DHX34: variants seen among roughly 807,000 people sequenced by gnomAD.
DHX34 encodes the protein DExH-box helicase 34.
A neutral mutation model predicts 111.1 loss-of-function variants in DHX34; 96 were observed. The ratio of observed to expected loss-of-function variants is 0.86; its 90% CI spans 0.73 to 1.02. The LOEUF (loss-of-function observed/expected upper bound fraction) is 1.02. Among genes scored for constraint, DHX34 ranks in the 50% least tolerant of loss-of-function variants. The pLI, the probability that DHX34 is intolerant of heterozygous loss-of-function variation, is 0.00. For synonymous variants in DHX34, 688 were observed against 670.4 expected (o/e 1.03, Z -0.41); for missense variants, 1,560 against 1,579.9 (o/e 0.99, Z 0.21).
chr19:47,381,386 G>T, intron 16 of DHX34, 62 bp downstream of exon 16: 2 of 1,571,816 alleles, frequency 1.3e-6, no homozygotes, highest in Non-Finnish European at 1.7e-6. Flanking sequence ...TCCCATGATG[G>T]TCTCCTGTGC....
In DHX34 at chr19:47,355,553, G is replaced by C. The variant is rs1001217429; in HGVS notation, c.1017+203G>C. Among the ~76,000 whole-genome samples, 10 of 152,244 alleles carry C rather than the reference G, an allele frequency of 6.6e-5. 1 individual carries two copies. The South Asian group carries it at 1.0e-3, about 16-fold the overall frequency. On this transcript the variant is annotated intron_variant, in intron 3 of 16. Coordinates refer to ENST00000328771, the MANE Select transcript of DHX34 (RefSeq NM_014681.6). The stretch of plus-strand genomic sequence containing the variant: ...CTTGTTAGAGTAAAAGCTGTTACAA[G>C]AAGACCCAAAAATGGCTGGGCGCCG...
chr19:47,363,279 T>C (rs910383055), intron 6 of DHX34, among the ~76,000 whole-genome samples: 1 of 151,684 alleles, frequency 6.6e-6, no homozygotes, highest in Non-Finnish European at 1.5e-5. Flanking sequence ...TTAGTAGAGA[T>C]CAGGTCTTGC....
chr19:47,375,273 G>A (rs568845609), intron 9 of DHX34, 193 bp from the exon 10 acceptor site: 2 of 985,340 alleles, frequency 2.0e-6, no homozygotes, highest in Non-Finnish European at 2.4e-6. Context: ...CCCTGGCCCC[G>A]GTGTTCCCTC....
At chr19:47,369,459 T>C (rs1007352804) in intron 7 of DHX34, among the ~76,000 whole-genome samples, 1 of 152,206 alleles carries the variant, frequency 6.6e-6, no homozygotes, top group African/African-American at 2.4e-5. Context: ...TAAATAATTT[T>C]TGAGCACCTG....
Position 47,353,485 on chromosome 19 carries a change from T to C in DHX34, c.455T>C (p.Leu152Pro). The stretch of plus-strand genomic sequence containing the variant: ...GGCCAGAAGCAGGCATTTGGGCGTC[T>C]GGCCAAGCTGCAGCGTGAGCGGGCA... ...DFGQKQAFGR[L>P]AKLQRERAAL... is the part of the protein sequence containing the mutation. The change falls in exon 2 of 17, where the codon CTG becomes CCG. Residue 152 changes from leucine to proline, a missense_variant. By Grantham distance (98) the Leu-to-Pro change is moderately conservative. Transcript: ENST00000328771. This position sits in a 1 kb window ranked among gnomAD's most constrained non-coding sequence, Gnocchi z 4.6. 1 of 1,614,090 alleles carries C rather than the reference T, an allele frequency of 6.2e-7. No individual in the cohort carries two copies. The highest frequency in any genetic ancestry group is 8.5e-7 in the Non-Finnish European group (1 of 1,180,020).
At chr19:47,362,408 G>C in intron 5 of DHX34, 68 bp from the exon 6 acceptor site, 2 of 1,431,262 alleles carry the variant, frequency 1.4e-6, no homozygotes, top group Non-Finnish European at 1.8e-6. Context: ...AGTGACAAGA[G>C]CCAGGCGCGT....
At chr19:47,377,438 C>T (rs976707963) in intron 13 of DHX34, among the ~76,000 whole-genome samples, 2 of 152,184 alleles carry the variant, frequency 1.3e-5, no homozygotes, top group Non-Finnish European at 2.9e-5. Flanking sequence ...GTGCCAAGGG[C>T]GCAGCAGGGA....
In DHX34 at chr19:47,358,111, C is replaced by G. The variant is rs1296776363; in HGVS notation, c.1263C>G (p.Asp421Glu). 1 of 1,607,252 alleles carries G rather than the reference C, an allele frequency of 6.2e-7. No homozygotes were observed. The highest frequency in any genetic ancestry group is 1.3e-5 in the African/African-American group (1 of 74,816). The change falls in exon 4 of 17, where the codon GAC becomes GAG. Residue 421 changes from aspartate to glutamate, a missense_variant. Transcript: ENST00000328771. ...LPLHSALSVADQDKVFDVAPP... is the reference protein window; with the variant it reads ...LPLHSALSVAEQDKVFDVAPP... Reference sequence around the variant, plus strand: ...TGCACAGCGCCCTGTCTGTGGCCGACCAGGACAAGGTATCACAGGAAGCCC... The same window carrying G: ...TGCACAGCGCCCTGTCTGTGGCCGAGCAGGACAAGGTATCACAGGAAGCCC...
intron 7 of DHX34, among the ~76,000 whole-genome samples, chr19:47,368,263 TGTAAC>T (rs1197192874): frequency 5.6e-5 from 5 of 89,908 alleles, no homozygotes; most frequent in African/African-American, 2.0e-4. Context: ...AGGTGGGAGA[TGTAAC>T]CAACAGTCTC....
intron 1 of DHX34, among the ~76,000 whole-genome samples, chr19:47,352,292 G>A (rs1391278221): frequency 6.6e-6 from 1 of 152,226 alleles, no homozygotes; most frequent in Non-Finnish European, 1.5e-5. Flanking sequence ...GAGAGATCAT[G>A]TGATCATGGC....
intron 5 of DHX34, 28 bp downstream of exon 5, chr19:47,360,098 C>T (rs1384336621): frequency 6.2e-7 from 1 of 1,609,128 alleles, no homozygotes; most frequent in Admixed American, 1.7e-5. Context: ...CCCCTACCCA[C>T]CACCCCCAAG....
rs559412806 is a variant in DHX34, at chr19:47,382,266, C to T, written c.*153C>T. The stretch of plus-strand genomic sequence containing the variant: ...CTGGAGCACGGATTGTGAATAAAGC[C>T]TCACATGCTGATACACACTGTTAGG... On this transcript the variant is annotated 3_prime_UTR_variant, in exon 17 of 17. Transcript: ENST00000328771. The T allele has an allele frequency of 2.2e-4, 303 of 1,354,332 alleles. No homozygotes were observed. Among genetic ancestry groups the T allele is most frequent in the Middle Eastern group, 1.9e-3 (7 of 3,752 alleles). 83.9% of individuals were successfully genotyped at this position (1,354,332 alleles called of 1,614,324 possible). A position where few individuals can be genotyped will look rare whatever the true frequency, so the allele number is the denominator to read the frequency against.
At chr19:47,357,537 C>G (rs1969491778) in intron 3 of DHX34, among the ~76,000 whole-genome samples, 1 of 152,182 alleles carries the variant, frequency 6.6e-6, no homozygotes, top group African/African-American at 2.4e-5. Context: ...GTGGAGAAGA[C>G]TACTAGCATC....
Position 47,380,977 on chromosome 19 carries a change from C to A in DHX34, c.3144C>A (p.Thr1048=). The change falls in exon 15 of 17, where the codon ACC becomes ACA. Residue 1048 remains threonine, a synonymous_variant. Transcript: ENST00000328771. ...KGGYAVTDFL[T]YNCLTNDTDL... is the part of the protein sequence containing the mutation. ...GCTACGCAGTCACTGACTTCCTCAC[C>A]TACAACTGCCTCACGGTAAGCATGA... 1.3e-6 allele frequency: 2 copies of A among 1,582,246 alleles called. No homozygotes were observed. Among genetic ancestry groups the A allele is most frequent in the Non-Finnish European group, 8.6e-7 (1 of 1,165,886 alleles).
At chr19:47,381,064 A>G (rs1970340222) in intron 15 of DHX34, 72 bp downstream of exon 15, 1 of 1,548,640 alleles carries the variant, frequency 6.5e-7, no homozygotes, top group Non-Finnish European at 8.7e-7. Context: ...ACCTTAGTCC[A>G]GGGACATAGT....
chr19:47,375,885 C>T (rs757740499), intron 10 of DHX34, 39 bp from the exon 11 acceptor site: 1 of 1,556,300 alleles, frequency 6.4e-7, no homozygotes, highest in Admixed American at 2.2e-5. Context: ...AGGAGCCCCT[C>T]AGGTCCCCTA....
At chr19:47,371,685 C>T (rs774903273) in intron 7 of DHX34, among the ~76,000 whole-genome samples, 53 of 152,272 alleles carry the variant, frequency 3.5e-4, no homozygotes, top group African/African-American at 6.3e-4. Context: ...CTGCAGCCTC[C>T]GCCTCCAGGG....
intron 5 of DHX34, 187 bp from the exon 6 acceptor site, chr19:47,362,289 A>G: frequency 1.2e-6 from 1 of 809,424 alleles, no homozygotes; most frequent in Non-Finnish European, 1.5e-6. Context: ...AAAAAAAAAA[A>G]AGATGTGTGA....
In DHX34 at chr19:47,373,771, G is replaced by A. The variant is rs973935315; in HGVS notation, c.2064+71G>A. ...GTGTGTAAGCACACTCCAGAACACT[G>A]CTTCCCCTTCCCAGACAGTGGTCAG... On this transcript the variant is annotated intron_variant, in intron 9 of 16. Coordinates refer to ENST00000328771, the MANE Select transcript of DHX34 (RefSeq NM_014681.6). The A allele has an allele frequency of 5.8e-6, 9 of 1,540,640 alleles. No homozygotes were observed. The African/African-American group carries it at 1.1e-4, about 19-fold the overall frequency.
Sources: allele counts gnomAD v4.1 joint callset (sites outside exome capture counted in the v4.1 genomes callset), GRCh38; gene constraint gnomAD v4.1.1; non-coding constraint Gnocchi (gnomAD v3.1); transcripts MANE v1.5; gene names NCBI Gene and HGNC (gene_info 2026-07-23, HGNC 2026-07-21).